The following CPQ variants were observed in gnomAD, a reference collection of about 807,000 sequenced individuals.
CPQ encodes the protein Ser-Met dipeptidase.
A neutral mutation model predicts 45.7 loss-of-function variants in CPQ; 37 were observed. The observed-to-expected ratio is 0.81, with a 90% CI of 0.62 to 1.07. CPQ has a LOEUF of 1.07. Ranked by LOEUF, CPQ falls within the 50% of genes least tolerant of loss-of-function variation. The probability of loss-of-function intolerance (pLI) is 0.00; values close to 1 mark genes in which losing one functional copy is unlikely to be tolerated. For missense variants in CPQ, 537 were observed against 572.9 expected (o/e 0.94, Z 0.64); for synonymous variants, 186 against 205.8 (o/e 0.90, Z 0.82).
chr8:96,973,441 T>A (rs1813716387), intron 5 of CPQ, among the ~76,000 whole-genome samples: 1 of 152,154 alleles, frequency 6.6e-6, no homozygotes, highest in South Asian at 2.1e-4. Flanking sequence ...CTGAAAAACA[T>A]ATTTGTTAGA....
chr8:96,914,569 G>A (rs975784884), intron 4 of CPQ, among the ~76,000 whole-genome samples: 3 of 152,148 alleles, frequency 2.0e-5, no homozygotes, highest in Non-Finnish European at 4.4e-5. Context: ...TTTCCCTGCA[G>A]CTTTGGCATT....
intron 4 of CPQ, among the ~76,000 whole-genome samples, chr8:96,896,932 A>T (rs1162959332): frequency 6.6e-6 from 1 of 152,206 alleles, no homozygotes; most frequent in East Asian, 1.9e-4. Flanking sequence ...TTTCTAGTCT[A>T]GGAAACACCC....
chr8:97,123,042 ATAAAT>A (rs1563587078), intron 7 of CPQ, among the ~76,000 whole-genome samples: 1 of 54,006 alleles, frequency 1.9e-5, no homozygotes, highest in East Asian at 3.4e-4. Context: ...ATAAAATAAA[ATAAAT>A]AAAATAAAAT....
At chr8:96,825,792 A>G (rs1811372049) in intron 2 of CPQ, among the ~76,000 whole-genome samples, 1 of 152,074 alleles carries the variant, frequency 6.6e-6, no homozygotes, top group Non-Finnish European at 1.5e-5. Context: ...TAAGAAGAAC[A>G]TAAGACACAC....
Position 97,140,733 on chromosome 8 carries a change from G to C in CPQ, c.1256-2287G>C, listed in dbSNP as rs1812144042. 3.9e-5 allele frequency among the ~76,000 whole-genome samples: 6 copies of C among 151,926 alleles called. 1 individual carries two copies. In the South Asian group the frequency reaches 1.2e-3, roughly 31 times the overall value. ...CTAAAATTTATCTGAAAGAGCAAAT[G>C]GTTCTGAATAATCAAAACACTCCTG... is the stretch of plus-strand genomic sequence containing the variant. On this transcript the variant is annotated intron_variant, in intron 7 of 7. Transcript: ENST00000220763.
At chr8:96,957,075 G>C (rs1013524627) in intron 4 of CPQ, among the ~76,000 whole-genome samples, 1 of 152,160 alleles carries the variant, frequency 6.6e-6, no homozygotes, top group African/African-American at 2.4e-5. Context: ...TTCTTTGACT[G>C]TCTTATGTTT....
chr8:96,726,556 C>A (rs1809842656), intron 1 of CPQ, among the ~76,000 whole-genome samples: 1 of 151,924 alleles, frequency 6.6e-6, no homozygotes, highest in South Asian at 2.1e-4. Flanking sequence ...AGCAAGAGGG[C>A]GAGGGGTAGG....
chr8:96,726,380 A>G (rs1427159687), intron 1 of CPQ, among the ~76,000 whole-genome samples: 1 of 152,176 alleles, frequency 6.6e-6, no homozygotes, highest in East Asian at 1.9e-4. Flanking sequence ...GAAATAACTG[A>G]AACTGGGTAA....
chr8:96,766,482 G>A (rs1409821163), intron 1 of CPQ, among the ~76,000 whole-genome samples: 2 of 152,128 alleles, frequency 1.3e-5, no homozygotes, highest in South Asian at 2.1e-4. Context: ...TGCTGGAGGC[G>A]TTGGGAAGAT....
At chr8:96,779,696 T>C (rs1263873844) in intron 1 of CPQ, among the ~76,000 whole-genome samples, 2 of 152,220 alleles carry the variant, frequency 1.3e-5, no homozygotes, top group Non-Finnish European at 2.9e-5. Flanking sequence ...TTAGAGAACT[T>C]TTAATGAGAA....
chr8:97,041,965 G>A (rs1810134584), intron 6 of CPQ, among the ~76,000 whole-genome samples: 1 of 152,126 alleles, frequency 6.6e-6, no homozygotes, highest in African/African-American at 2.4e-5. Flanking sequence ...ATGTGTCTCT[G>A]CCAGGCTTTG....
intron 1 of CPQ, among the ~76,000 whole-genome samples, chr8:96,740,517 G>A (rs1586381274): frequency 6.6e-6 from 1 of 151,674 alleles, no homozygotes; most frequent in East Asian, 1.9e-4. Flanking sequence ...GGAGTGGTGA[G>A]AGAGGGCATC....
intron 7 of CPQ, among the ~76,000 whole-genome samples, chr8:97,139,193 C>A (rs1812113679): frequency 1.3e-5 from 2 of 152,064 alleles, no homozygotes; most frequent in Non-Finnish European, 2.9e-5. Context: ...TTTCAATTTA[C>A]CAGGGATACA....
In CPQ at chr8:96,834,293, A is replaced by G. The variant is rs1482532683; in HGVS notation, c.434-680A>G. On this transcript the variant is annotated intron_variant, in intron 2 of 7. Transcript: ENST00000220763. The stretch of plus-strand genomic sequence containing the variant: ...CAGGATTATAGCGCCATTACACAAC[A>G]TCTTCAAAGTTTTTATTTGAAAAAT... Among the ~76,000 whole-genome samples, 2 of 152,338 alleles carry G rather than the reference A, an allele frequency of 1.3e-5. 1 individual carries two copies. The highest frequency in any genetic ancestry group is 3.9e-4 in the East Asian group (2 of 5,180).
Position 96,766,410 on chromosome 8 carries a change from TTA to T in CPQ, c.-34-18452_-34-18451del, listed in dbSNP as rs1487906060. ...CTTCTGATGCTGGCTTGGGCTGTGTTTATGTCTTTCATGTGCTTCTGTGACAC... is the reference window on the plus strand; with the variant it reads ...CTTCTGATGCTGGCTTGGGCTGTGTTTGTCTTTCATGTGCTTCTGTGACAC... On this transcript the variant is annotated intron_variant, in intron 1 of 7. Coordinates refer to ENST00000220763, the MANE Select transcript of CPQ (RefSeq NM_016134.4). 3.9e-5 allele frequency among the ~76,000 whole-genome samples: 6 copies of T among 152,104 alleles called. No individual in the cohort carries two copies. The East Asian group carries it at 1.2e-3, about 29-fold the overall frequency.
At chr8:97,122,981 T>TTAAAA (rs1353359420) in intron 7 of CPQ, among the ~76,000 whole-genome samples, 4 of 24,268 alleles carry the variant, frequency 1.6e-4, no homozygotes, top group South Asian at 1.1e-3. Context: ...TAAAATAAAA[T>TTAAAA]TAAAATAAAA....
At chr8:96,839,821 A>G (rs111670721) in intron 3 of CPQ, among the ~76,000 whole-genome samples, 131 of 152,336 alleles carry the variant, frequency 8.6e-4, no homozygotes, top group African/African-American at 3.0e-3. Context: ...ATTACTATTT[A>G]TTAAGCACCA....
intron 6 of CPQ, among the ~76,000 whole-genome samples, chr8:97,044,423 G>C (rs1327382592): frequency 6.6e-6 from 1 of 152,108 alleles, no homozygotes; most frequent in Non-Finnish European, 1.5e-5. Context: ...TTTGCCTTTG[G>C]TTTGAATTTC....
At chr8:97,125,647 T>C (rs1388258239) in intron 7 of CPQ, among the ~76,000 whole-genome samples, 1 of 152,092 alleles carries the variant, frequency 6.6e-6, no homozygotes, top group Non-Finnish European at 1.5e-5. Context: ...TTTCAGGAGG[T>C]GCATAAAAAG....
Sources: allele counts gnomAD v4.1 joint callset (sites outside exome capture counted in the v4.1 genomes callset), GRCh38; gene constraint gnomAD v4.1.1; transcripts MANE v1.5; gene names NCBI Gene and HGNC (gene_info 2026-07-23, HGNC 2026-07-21).